PACS2: variants seen among roughly 807,000 people sequenced by gnomAD.
PACS2 encodes phosphofurin acidic cluster sorting protein 2, also known as PACS1-like protein.
Under a neutral mutation model 113.0 loss-of-function variants are expected in PACS2, and 36 were observed. The observed-to-expected ratio is 0.32, with a 90% confidence interval of 0.24 to 0.42. PACS2 has a LOEUF of 0.42. Among genes scored for constraint, PACS2 ranks in the 10% least tolerant of loss-of-function variants. The pLI, the probability that PACS2 is intolerant of heterozygous loss-of-function variation, is 1.00. For missense variants in PACS2, 1,015 were observed against 1,239.5 expected (o/e 0.82, Z 2.72); for synonymous variants, 589 against 536.1 (o/e 1.10, Z -1.36).
chr14:105,385,229 C>T (rs898590173), intron 18 of PACS2, among the ~76,000 whole-genome samples: 6 of 152,214 alleles, frequency 3.9e-5, no homozygotes, highest in African/African-American at 9.6e-5. Context: ...TGAAACCCCG[C>T]GTGATAAGAA....
intron 1 of PACS2, among the ~76,000 whole-genome samples, chr14:105,343,671 T>G (rs1043338377): frequency 3.9e-5 from 6 of 152,000 alleles, no homozygotes; most frequent in African/African-American, 1.5e-4. Context: ...TCTTTTCTGG[T>G]GAAACGTCTG....
At chr14:105,380,913 G>C (rs1185758728) in intron 11 of PACS2, 44 bp from the exon 12 acceptor site, 1 of 1,575,830 alleles carries the variant, frequency 6.3e-7, no homozygotes, top group Non-Finnish European at 8.6e-7. Context: ...CGCAGCACGG[G>C]TGTGGTTTCC....
chr14:105,394,037 C>CA (rs35175118), intron 24 of PACS2, among the ~76,000 whole-genome samples: 1,440 of 71,712 alleles, frequency 0.02, 11 homozygotes, highest in South Asian at 0.029. Context: ...GACTCCGCCT[C>CA]AAAAAAAAAA....
At chr14:105,334,254 G>T (rs1276126559) in intron 1 of PACS2, among the ~76,000 whole-genome samples, 1 of 152,254 alleles carries the variant, frequency 6.6e-6, no homozygotes, top group Non-Finnish European at 1.5e-5. Flanking sequence ...CGGCTGCAGA[G>T]GCAGTGCCAG....
At position 105,391,675 on chromosome 14, in the gene PACS2, T is replaced by A; in HGVS notation, c.2164T>A (p.Ser722Thr). 6.2e-7 allele frequency: 1 copy of A among 1,609,746 alleles called. No homozygotes were observed. The highest frequency in any genetic ancestry group is 1.1e-5 in the South Asian group (1 of 90,500). The change falls in exon 22 of 25, where the codon TCC becomes ACC. Residue 722 changes from serine (S) to threonine (T), a missense_variant. This residue lies in a region of PACS2 where 859 missense variants were observed against 1,056.8 expected (regional missense o/e 0.81). Transcript: ENST00000447393. ...CCCCTCGGGCTCTGGCACGCTCTCC[T>A]CCACCCCGCCGTCCGCATCTCCTGC... ...AAPSGSGTLSSTPPSASPAAK... is the reference protein window; with the variant it reads ...AAPSGSGTLSTTPPSASPAAK...
At chr14:105,352,092 T>C (rs1311955867) in intron 2 of PACS2, among the ~76,000 whole-genome samples, 4 of 152,202 alleles carry the variant, frequency 2.6e-5, no homozygotes, top group African/African-American at 9.6e-5. Context: ...GTGGAATCTG[T>C]TTTGTGATCG....
In PACS2 at chr14:105,317,369, T is replaced by C. The variant is rs756833864; in HGVS notation, c.119+2332T>C. On this transcript the variant is annotated intron_variant, in intron 1 of 24. Coordinates refer to ENST00000447393, the MANE Select transcript of PACS2 (RefSeq NM_001100913.3). The surrounding 1 kb of genome is among the most constrained non-coding windows in gnomAD (Gnocchi z 4.2). Reference sequence around the variant, plus strand: ...ATGTACCGCCAGCTACCAGGATTTATGGTGGGGGTGTGCACGCACTCAGCG... The same window carrying C: ...ATGTACCGCCAGCTACCAGGATTTACGGTGGGGGTGTGCACGCACTCAGCG... Among the ~76,000 whole-genome samples, 328 of 152,156 alleles carry C rather than the reference T, an allele frequency of 2.2e-3. 2 individuals are homozygous for C. Among genetic ancestry groups the C allele is most frequent in the Non-Finnish European group, 3.6e-3 (247 of 68,024 alleles).
Position 105,394,623 on chromosome 14 carries a change from T to A in PACS2, c.2666T>A (p.Val889Glu). The change falls in exon 25 of 25, where the codon GTG becomes GAG. Residue 889 changes from valine (V) to glutamate (E), a missense_variant. By Grantham distance (121) the Val-to-Glu change is moderately radical. This residue lies in a region of PACS2 where 859 missense variants were observed against 1,056.8 expected (regional missense o/e 0.81). Coordinates refer to ENST00000447393, the MANE Select transcript of PACS2 (RefSeq NM_001100913.3). ...FQLAAQWSSH[V>E]KHFPICIFGH... Reference sequence around the variant, plus strand: ...CTGGCCGCGCAGTGGTCCTCGCACGTGAAGCACTTCCCCATCTGCATCTTC... The same window carrying A: ...CTGGCCGCGCAGTGGTCCTCGCACGAGAAGCACTTCCCCATCTGCATCTTC... 6.2e-7 allele frequency: 1 copy of A among 1,613,478 alleles called. No homozygotes were observed. The highest frequency in any genetic ancestry group is 8.5e-7 in the Non-Finnish European group (1 of 1,179,970).
chr14:105,333,416 G>C (rs2059381298), intron 1 of PACS2, among the ~76,000 whole-genome samples: 1 of 152,230 alleles, frequency 6.6e-6, no homozygotes, highest in African/African-American at 2.4e-5. Context: ...GCCAGTCCTG[G>C]GGTGCTGGAC....
At chr14:105,364,500 G>A (rs1445221568) in intron 4 of PACS2, among the ~76,000 whole-genome samples, 1 of 144,962 alleles carries the variant, frequency 6.9e-6, no homozygotes. Context: ...GCCCGGGTGC[G>A]CGGTGGGCGG....
At position 105,355,189 on chromosome 14, in the gene PACS2, G is replaced by A. The variant is rs587691625; in HGVS notation, c.423+12G>A. ...TCAGCATGGCTGAGGTGAGTGCTCC[G>A]TCTGGCGTGGCCTGCGTCGGGCTGG... On this transcript the variant is annotated intron_variant, in intron 4 of 24. Transcript: ENST00000447393. This position sits in a 1 kb window ranked among gnomAD's most constrained non-coding sequence, Gnocchi z 4.1. 3.8e-5 allele frequency: 61 copies of A among 1,611,794 alleles called. No individual in the cohort carries two copies. Among genetic ancestry groups the A allele is most frequent in the East Asian group, 2.5e-4 (11 of 44,846 alleles).
chr14:105,364,384 CGCGGTGGGCGGT>C (rs1566943306), intron 4 of PACS2, among the ~76,000 whole-genome samples: 71 of 93,480 alleles, frequency 7.6e-4, no homozygotes, highest in East Asian at 2.4e-3. Flanking sequence ...GTCCCGGGTG[CGCGGTGGGCGGT>C]GTCCCGGGTG....
intron 4 of PACS2, among the ~76,000 whole-genome samples, chr14:105,361,408 G>A (rs1349078765): frequency 1.3e-5 from 2 of 152,356 alleles, no homozygotes; most frequent in South Asian, 2.1e-4. Flanking sequence ...AGGCCAGGGC[G>A]GGTGGATTAC....
intron 1 of PACS2, among the ~76,000 whole-genome samples, chr14:105,321,172 C>G (rs1464992146): frequency 6.6e-6 from 1 of 152,078 alleles, no homozygotes; most frequent in Non-Finnish European, 1.5e-5. Context: ...TTTTAATGCA[C>G]GTTCTGTTTA....
At chr14:105,333,709 G>C (rs1429012038) in intron 1 of PACS2, among the ~76,000 whole-genome samples, 1 of 152,252 alleles carries the variant, frequency 6.6e-6, no homozygotes, top group Admixed American at 6.5e-5. Context: ...GGGAGGTTTT[G>C]GCAAAGCAGC....
At chr14:105,334,849 C>A (rs948337095) in intron 1 of PACS2, among the ~76,000 whole-genome samples, 5 of 152,290 alleles carry the variant, frequency 3.3e-5, no homozygotes, top group Admixed American at 1.3e-4. Context: ...TTTCCCAGAG[C>A]CCCTCTGGTC....
intron 1 of PACS2, among the ~76,000 whole-genome samples, chr14:105,327,386 C>A (rs997623286): frequency 6.6e-6 from 1 of 152,210 alleles, no homozygotes; most frequent in East Asian, 1.9e-4. Flanking sequence ...GCCTGAGGGG[C>A]GGGGACCTTG....
intron 4 of PACS2, 81 bp from the exon 5 acceptor site, chr14:105,367,132 C>A: frequency 7.5e-7 from 1 of 1,340,874 alleles, no homozygotes; most frequent in Non-Finnish European, 1.0e-6. Context: ...GAAAGCCCTT[C>A]AGAAACCCCA....
At chr14:105,367,858 C>G (rs1401342885) in intron 5 of PACS2, among the ~76,000 whole-genome samples, 10 of 152,244 alleles carry the variant, frequency 6.6e-5, no homozygotes, top group African/African-American at 2.4e-4. Context: ...CTGCCCCTCC[C>G]CACTTCCTGC....
Sources: gnomAD v4.1 joint callset for allele counts (sites outside exome capture counted in the v4.1 genomes callset) on GRCh38, gnomAD v4.1.1 for gene constraint, gnomAD v4.1.1 regional missense constraint, Gnocchi (gnomAD v3.1) non-coding constraint, MANE v1.5 for transcripts, NCBI Gene and HGNC (gene_info 2026-07-23, HGNC 2026-07-21) for gene names.